RGS7BP: variants seen among roughly 807,000 people sequenced by gnomAD.
RGS7BP encodes regulator of G protein signaling 7-binding protein.
Under a neutral mutation model 31.3 loss-of-function variants are expected in RGS7BP, and 9 were observed. The observed-to-expected ratio is 0.29, with a 90% CI of 0.17 to 0.50. The LOEUF is 0.50. Among genes scored for constraint, RGS7BP ranks in the 20% least tolerant of loss-of-function variants. The pLI, the probability that RGS7BP is intolerant of heterozygous loss-of-function variation, is 0.98. For missense variants in RGS7BP, 274 were observed against 322.0 expected, an observed-to-expected ratio of 0.85 and a Z score of 1.14; for synonymous variants, 115 against 120.1, an observed-to-expected ratio of 0.96 and a Z score of 0.28.
intron 4 of RGS7BP, among the ~76,000 whole-genome samples, chr5:64,597,612 G>C (rs527619871): frequency 1.3e-5 from 2 of 151,548 alleles, no homozygotes; most frequent in African/African-American, 4.8e-5. Context: ...CCAAGCAGAA[G>C]ATGGAATTGG....
intron 2 of RGS7BP, among the ~76,000 whole-genome samples, chr5:64,568,579 C>T (rs1472887419): frequency 1.3e-5 from 2 of 152,094 alleles, no homozygotes; most frequent in Non-Finnish European, 2.9e-5. Flanking sequence ...CGACCATTAA[C>T]TCCTTCAACC....
intron 2 of RGS7BP, among the ~76,000 whole-genome samples, chr5:64,560,562 T>TATAA (rs1742029662): frequency 6.8e-6 from 1 of 147,518 alleles, no homozygotes; most frequent in South Asian, 2.1e-4. Context: ...TATATATATA[T>TATAA]AATCTATCAA....
At chr5:64,523,488 C>T (rs1749160404) in intron 2 of RGS7BP, among the ~76,000 whole-genome samples, 2 of 152,204 alleles carry the variant, frequency 1.3e-5, no homozygotes, top group Admixed American at 1.3e-4. Flanking sequence ...TTACCACCTG[C>T]TTGTTTGTTC....
chr5:64,592,726 T>A (rs767474213), intron 3 of RGS7BP, among the ~76,000 whole-genome samples: 11 of 152,106 alleles, frequency 7.2e-5, no homozygotes, highest in Non-Finnish European at 1.5e-4. Flanking sequence ...TGAATCTTCT[T>A]CCCCTCCTCC....
intron 3 of RGS7BP, among the ~76,000 whole-genome samples, chr5:64,587,121 G>A (rs1362548222): frequency 1.3e-5 from 2 of 152,116 alleles, no homozygotes; most frequent in African/African-American, 4.8e-5. Flanking sequence ...GATCGTATAG[G>A]AGGACTTTTA....
chr5:64,596,617 A>C (rs2111963224), intron 4 of RGS7BP, among the ~76,000 whole-genome samples: 1 of 152,228 alleles, frequency 6.6e-6, no homozygotes, highest in East Asian at 1.9e-4. Flanking sequence ...GTGGGGCCAC[A>C]CTTCCTTTCT....
intron 5 of RGS7BP, among the ~76,000 whole-genome samples, chr5:64,608,025 C>T (rs1352023190): frequency 6.6e-6 from 1 of 152,104 alleles, no homozygotes; most frequent in African/African-American, 2.4e-5. Context: ...CTTTGCCAAG[C>T]TTCCATCCCC....
At chr5:64,521,522 G>A (rs1239805919) in intron 2 of RGS7BP, among the ~76,000 whole-genome samples, 1 of 152,296 alleles carries the variant, frequency 6.6e-6, no homozygotes, top group South Asian at 2.1e-4. Context: ...CTCCCAAAGT[G>A]CTGGGATTAC....
In RGS7BP at chr5:64,575,705, G is replaced by A. The variant is rs1742401473; in HGVS notation, c.333-69G>A. On this transcript the variant is annotated intron_variant, in intron 2 of 5. Coordinates refer to ENST00000334025, the MANE Select transcript of RGS7BP (RefSeq NM_001029875.3). ...TTATTGAGCATTTTTCCCTCTCGGA[G>A]CTGAGACAAATGGCTGATGAGTGAA... 2.6e-6 allele frequency: 4 copies of A among 1,531,244 alleles called. No homozygotes were observed. The Admixed American group carries it at 8.4e-5, about 32-fold the overall frequency. The allele number at this position is 1,531,244 out of a possible 1,614,324, so 94.9% of individuals were successfully genotyped here. A position where few individuals can be genotyped will look rare whatever the true frequency, so the allele number is the denominator to read the frequency against.
chr5:64,599,485 G>C (rs1237893626), intron 5 of RGS7BP, among the ~76,000 whole-genome samples: 2 of 152,174 alleles, frequency 1.3e-5, no homozygotes, highest in Non-Finnish European at 2.9e-5. Context: ...GGGTGGAAGT[G>C]AGAACACCAG....
chr5:64,609,295 T>A lies in RGS7BP; in HGVS notation c.*43T>A. 1 of 1,168,820 alleles carries A rather than the reference T, an allele frequency of 8.6e-7. No homozygotes were observed. The highest frequency in any genetic ancestry group is 1.3e-6 in the Non-Finnish European group (1 of 773,978). The allele number at this position is 1,168,820 out of a possible 1,614,324, so 72.4% of individuals were successfully genotyped here. ...CCCACTGAGAACATCTGAAAAAAAA[T>A]CACAAAACCCGAGGACCTCCAGACA... On this transcript the variant is annotated 3_prime_UTR_variant, in exon 6 of 6. Transcript: ENST00000334025.
rs1554056553 is a variant in RGS7BP at position 64,568,782 on chromosome 5, GT to G, written c.333-6977del. Among the ~76,000 whole-genome samples the G allele has an allele frequency of 6.5e-3, 889 of 137,508 alleles. 7 individuals are homozygous for G. Among genetic ancestry groups the G allele is most frequent in the African/African-American group, 0.017 (608 of 36,256 alleles). 90.2% of individuals were successfully genotyped at this position (137,508 alleles called of 152,430 possible). A position where few individuals can be genotyped will look rare whatever the true frequency, so the allele number is the denominator to read the frequency against. ...GAAGGTCAGGGAACTGATGGTTATT[GT>G]TTTTTTTTTTTTTTAGTGTTTAAAT... On this transcript the variant is annotated intron_variant, in intron 2 of 5. Transcript: ENST00000334025.
intron 2 of RGS7BP, among the ~76,000 whole-genome samples, chr5:64,565,799 A>T (rs573270007): frequency 6.6e-6 from 1 of 152,324 alleles, no homozygotes; most frequent in African/African-American, 2.4e-5. Flanking sequence ...TTTTCCATGT[A>T]TATAGATACT....
At chr5:64,593,968 T>A (rs563493161) in intron 3 of RGS7BP, among the ~76,000 whole-genome samples, 10 of 152,328 alleles carry the variant, frequency 6.6e-5, no homozygotes, top group African/African-American at 2.2e-4. Flanking sequence ...TTCATATAAA[T>A]TTATGGCTGA....
At chr5:64,589,016 G>A (rs1264792914) in intron 3 of RGS7BP, among the ~76,000 whole-genome samples, 1 of 152,068 alleles carries the variant, frequency 6.6e-6, no homozygotes, top group African/African-American at 2.4e-5. Flanking sequence ...TGAGGGATGG[G>A]TAGGTACGGT....
rs374542467 is a variant in RGS7BP, at chr5:64,575,908, T to G, written c.463+4T>G. 29 of 1,607,514 alleles carry G rather than the reference T, an allele frequency of 1.8e-5. No individual in the cohort carries two copies. Among genetic ancestry groups the G allele is most frequent in the Admixed American group, 3.4e-5 (2 of 58,810 alleles). The stretch of plus-strand genomic sequence containing the variant: ...TCTCTTCAGTTTCATCGAAAAGGTA[T>G]CTACATTTAATATTGCCGGAAACAC... On this transcript the variant is annotated splice_donor_region_variant and intron_variant, in intron 3 of 5. Coordinates refer to ENST00000334025, the MANE Select transcript of RGS7BP (RefSeq NM_001029875.3).
intron 2 of RGS7BP, among the ~76,000 whole-genome samples, chr5:64,556,042 G>A (rs1048591726): frequency 2.0e-5 from 3 of 151,970 alleles, no homozygotes; most frequent in Admixed American, 6.6e-5. Flanking sequence ...GAGTTGATGG[G>A]TTGTTGATAT....
chr5:64,584,843 C>A (rs1206034111), intron 3 of RGS7BP, among the ~76,000 whole-genome samples: 1 of 152,188 alleles, frequency 6.6e-6, no homozygotes, highest in African/African-American at 2.4e-5. Flanking sequence ...AGAATATCTT[C>A]TTACCACAGT....
intron 2 of RGS7BP, among the ~76,000 whole-genome samples, chr5:64,558,591 T>C (rs958134057): frequency 2.6e-5 from 4 of 152,090 alleles, no homozygotes; most frequent in Non-Finnish European, 5.9e-5. Flanking sequence ...TTTTGAACAA[T>C]ATGAAATCTG....
Sources: gnomAD v4.1 joint callset for allele counts (sites outside exome capture counted in the v4.1 genomes callset) on GRCh38, gnomAD v4.1.1 for gene constraint, MANE v1.5 for transcripts, NCBI Gene and HGNC (gene_info 2026-07-23, HGNC 2026-07-21) for gene names.